Variants in TTPA observed in about 807,000 individuals in gnomAD.
TTPA encodes alpha tocopherol transfer protein.
In TTPA, 23 loss-of-function variants were observed where a neutral mutation model predicts 25.9. The ratio of observed to expected loss-of-function variants is 0.89; its 90% confidence interval spans 0.64 to 1.26. TTPA has a LOEUF of 1.26. TTPA is among the 50% of genes most tolerant of loss of function. The pLI is 0.00. For missense variants in TTPA, 337 were observed against 353.1 expected, an observed-to-expected ratio of 0.95 and a Z score of 0.37; for synonymous variants, 148 against 137.3, an observed-to-expected ratio of 1.08 and a Z score of -0.54.
chr8:63,085,501 C>T (rs1380216848), intron 1 of TTPA, among the ~76,000 whole-genome samples: 2 of 152,214 alleles, frequency 1.3e-5, no homozygotes, highest in African/African-American at 2.4e-5. Context: ...GAAGGCATGT[C>T]CCCCAAACTT....
At chr8:63,071,058 T>C (rs1281701703) in intron 2 of TTPA, among the ~76,000 whole-genome samples, 1 of 152,200 alleles carries the variant, frequency 6.6e-6, no homozygotes, top group Non-Finnish European at 1.5e-5. Context: ...CATAGGTACT[T>C]TGTTAAATCT....
chr8:63,064,166 T>G, intron 4 of TTPA, 40 bp downstream of exon 4: 1 of 1,416,918 alleles, frequency 7.1e-7, no homozygotes, highest in African/African-American at 1.4e-5. Flanking sequence ...GTTGGAATGT[T>G]TGGTGTAGAG....
At chr8:63,073,477 G>A (rs771686955) in intron 1 of TTPA, among the ~76,000 whole-genome samples, 8 of 152,182 alleles carry the variant, frequency 5.3e-5, no homozygotes, top group Non-Finnish European at 8.8e-5. Flanking sequence ...GTGATACTGT[G>A]TGGGCCAAGC....
chr8:63,075,698 CAAAAA>C lies in TTPA; in HGVS notation c.205-2615_205-2611del, dbSNP rs751066913. Among the ~76,000 whole-genome samples the C allele has an allele frequency of 1.4e-4, 8 of 56,968 alleles. No individual in the cohort carries two copies. The East Asian group carries it at 2.4e-3, about 17-fold the overall frequency. The allele number at this position is 56,968 out of a possible 152,430, so 37.4% of individuals were successfully genotyped here. ...TGGGCGACAGAGCCAGACTCCGTCT[CAAAAA>C]AAAAAAAAAAAAAAAAAAGTAAAGT... On this transcript the variant is annotated intron_variant, in intron 1 of 4. Transcript: ENST00000260116.
intron 4 of TTPA, among the ~76,000 whole-genome samples, chr8:63,062,324 G>A (rs7815588): frequency 0.013 from 2,035 of 152,186 alleles, 40 homozygotes; most frequent in African/African-American, 0.045. Flanking sequence ...AGAGAAAGCC[G>A]TAGAAACTTG....
chr8:63,080,719 CAAAA>C (rs764937720), intron 1 of TTPA, among the ~76,000 whole-genome samples: 10 of 69,928 alleles, frequency 1.4e-4, no homozygotes, highest in African/African-American at 4.0e-4. Context: ...GACTCCGTAT[CAAAA>C]AAAAAAAAAA....
At chr8:63,059,259 C>G (rs796706457), downstream of TTPA, among the ~76,000 whole-genome samples, 49 of 150,188 alleles carry the variant, frequency 3.3e-4, no homozygotes, top group African/African-American at 1.0e-3. Context: ...GTCTCGATCT[C>G]CTGACCTCGT....
At chr8:63,067,850 A>T (rs552031381) in intron 2 of TTPA, among the ~76,000 whole-genome samples, 27 of 152,278 alleles carry the variant, frequency 1.8e-4, no homozygotes, top group Admixed American at 3.9e-4. Context: ...CCTACTTATA[A>T]GTGAGAACAT....
At chr8:63,076,705 CAT>C (rs1805567611) in intron 1 of TTPA, among the ~76,000 whole-genome samples, 1 of 152,050 alleles carries the variant, frequency 6.6e-6, no homozygotes, top group South Asian at 2.1e-4. Flanking sequence ...GTAAATGAAA[CAT>C]GTTTTATTGT....
intron 3 of TTPA, 38 bp from the exon 4 acceptor site, chr8:63,064,354 A>C (rs1204301190): frequency 7.8e-6 from 11 of 1,413,066 alleles, no homozygotes; most frequent in Non-Finnish European, 1.1e-5. Context: ...CAAAACATAA[A>C]TATTACAATC....
chr8:63,074,350 G>A (rs1805529798), intron 1 of TTPA, among the ~76,000 whole-genome samples: 1 of 152,124 alleles, frequency 6.6e-6, no homozygotes, highest in Non-Finnish European at 1.5e-5. Flanking sequence ...GCATTGCTCT[G>A]CTCCCCCTCA....
chr8:63,083,491 TGG>T (rs935706780), intron 1 of TTPA, among the ~76,000 whole-genome samples: 33 of 151,968 alleles, frequency 2.2e-4, no homozygotes, highest in Middle Eastern at 6.8e-3. Context: ...TGTTGGAGGG[TGG>T]TGAGCTGGGG....
In TTPA at chr8:63,060,261, C is replaced by T. The variant is rs1158359846; in HGVS notation, c.*991G>A. 6.6e-6 allele frequency: 1 copy of T among 152,170 alleles called. No individual in the cohort carries two copies. The highest frequency in any genetic ancestry group is 2.4e-5 in the African/African-American group (1 of 41,434). 9.4% of individuals were successfully genotyped at this position (152,170 alleles called of 1,614,324 possible). On this transcript the variant is annotated 3_prime_UTR_variant, in exon 5 of 5. Coordinates refer to ENST00000260116, the MANE Select transcript of TTPA (RefSeq NM_000370.3). ...TGACCATAAGCAAAAGTTAAAATTA[C>T]ATTCTTGATTTGTTTAAAAATGCAA...
chr8:63,064,110 G>C (rs1805350142), intron 4 of TTPA, 96 bp downstream of exon 4: 1 of 826,410 alleles, frequency 1.2e-6, no homozygotes, highest in African/African-American at 1.7e-5. Flanking sequence ...GATATAGATG[G>C]GCAGGTACGA....
intron 4 of TTPA, 51 bp downstream of exon 4, chr8:63,064,155 G>C (rs757831723): frequency 2.6e-5 from 34 of 1,304,788 alleles, no homozygotes; most frequent in South Asian, 2.3e-4. Flanking sequence ...AATTAAAAAG[G>C]GTTGGAATGT....
intron 1 of TTPA, among the ~76,000 whole-genome samples, chr8:63,080,546 C>G (rs1005524810): frequency 2.0e-5 from 3 of 151,772 alleles, no homozygotes; most frequent in African/African-American, 4.8e-5. Context: ...ACGGTGAAAC[C>G]CCGTCTCTAC....
At chr8:63,070,736 T>C (rs2129757212) in intron 2 of TTPA, among the ~76,000 whole-genome samples, 1 of 152,340 alleles carries the variant, frequency 6.6e-6, no homozygotes, top group East Asian at 1.9e-4. Flanking sequence ...GTGTCACTTT[T>C]ACTTCTTCAC....
chr8:63,071,223 G>A (rs1805478059), intron 2 of TTPA, among the ~76,000 whole-genome samples: 1 of 151,936 alleles, frequency 6.6e-6, no homozygotes, highest in Non-Finnish European at 1.5e-5. Flanking sequence ...TGACACTTAA[G>A]CTAGGGCAAA....
At chr8:63,064,364 C>A (rs1563678842) in intron 3 of TTPA, 48 bp from the exon 4 acceptor site, 1 of 1,283,288 alleles carries the variant, frequency 7.8e-7, no homozygotes, top group East Asian at 2.5e-5. Flanking sequence ...ATATTACAAT[C>A]TGATACCTAA....
Sources: allele counts gnomAD v4.1 joint callset (sites outside exome capture counted in the v4.1 genomes callset), GRCh38; gene constraint gnomAD v4.1.1; transcripts MANE v1.5; gene names NCBI Gene and HGNC (gene_info 2026-07-23, HGNC 2026-07-21).